The following NUBPL variants were observed in gnomAD, a reference collection of about 807,000 sequenced individuals.
The protein encoded by NUBPL is iron-sulfur cluster transfer protein NUBPL.
In NUBPL, 31 loss-of-function variants were observed where a neutral mutation model predicts 45.7. The observed-to-expected ratio is 0.68, with a 90% CI of 0.51 to 0.92. The LOEUF (loss-of-function observed/expected upper bound fraction) is 0.92. Among genes scored for constraint, NUBPL ranks in the 40% least tolerant of loss-of-function variants. NUBPL has a pLI of 0.00. For missense variants in NUBPL, 401 were observed against 398.7 expected, an observed-to-expected ratio of 1.01 and a Z score of -0.05; for synonymous variants, 144 against 140.9, an observed-to-expected ratio of 1.02 and a Z score of -0.15.
chr14:31,725,650 C>T (rs538342788), intron 6 of NUBPL, among the ~76,000 whole-genome samples: 1 of 149,160 alleles, frequency 6.7e-6, no homozygotes, highest in East Asian at 2.0e-4. Flanking sequence ...GAATTTTCCA[C>T]TTGTCGGGTC....
At chr14:31,599,025 A>G (rs900092096) in intron 3 of NUBPL, among the ~76,000 whole-genome samples, 1 of 152,210 alleles carries the variant, frequency 6.6e-6, no homozygotes, top group Non-Finnish European at 1.5e-5. Context: ...CTGAACTACA[A>G]TATGTAAAGC....
intron 4 of NUBPL, among the ~76,000 whole-genome samples, chr14:31,615,176 T>G (rs1422035771): frequency 6.6e-6 from 1 of 152,122 alleles, no homozygotes; most frequent in Non-Finnish European, 1.5e-5. Context: ...AGTATGGCAC[T>G]TCCCCTCTCT....
At chr14:31,821,858 A>G (rs1382917774) in intron 7 of NUBPL, among the ~76,000 whole-genome samples, 1 of 152,254 alleles carries the variant, frequency 6.6e-6, no homozygotes, top group African/African-American at 2.4e-5. Context: ...TTAGCTTTGA[A>G]AAGAATGAGA....
At chr14:31,810,876 A>C (rs899137601) in intron 7 of NUBPL, among the ~76,000 whole-genome samples, 2 of 152,146 alleles carry the variant, frequency 1.3e-5, no homozygotes, top group African/African-American at 2.4e-5. Flanking sequence ...TTCCCTTATG[A>C]AGCTTAGTTT....
intron 4 of NUBPL, among the ~76,000 whole-genome samples, chr14:31,623,183 G>A (rs1340420181): frequency 6.6e-6 from 1 of 152,210 alleles, no homozygotes; most frequent in East Asian, 1.9e-4. Context: ...GGGGCCTGTA[G>A]CCCCTTTGTT....
intron 3 of NUBPL, among the ~76,000 whole-genome samples, chr14:31,596,608 A>G (rs1381980201): frequency 6.6e-6 from 1 of 152,216 alleles, no homozygotes; most frequent in African/African-American, 2.4e-5. Context: ...ATGATCCTCA[A>G]CGTCTGAAAT....
At chr14:31,731,945 G>C (rs2038057497) in intron 6 of NUBPL, among the ~76,000 whole-genome samples, 2 of 151,936 alleles carry the variant, frequency 1.3e-5, no homozygotes, top group Admixed American at 6.6e-5. Flanking sequence ...GCTCATATCT[G>C]TAATCCCAGG....
chr14:31,788,671 G>A (rs1204533691), intron 7 of NUBPL, among the ~76,000 whole-genome samples: 1 of 152,158 alleles, frequency 6.6e-6, no homozygotes, highest in Non-Finnish European at 1.5e-5. Context: ...GCTACATTCT[G>A]ACAGGTTAAC....
rs1555335613 is a variant in NUBPL at position 31,760,144 on chromosome 14, TGA to T, written c.514-27599_514-27598del. On this transcript the variant is annotated intron_variant, in intron 6 of 10. Transcript: ENST00000281081. ...TGACTTTAGTGTGTGTGTGTGTGTG[TGA>T]GAGAGAGAGAGAGAGAGAGAGAGAG... 4.3e-4 allele frequency among the ~76,000 whole-genome samples: 15 copies of T among 34,844 alleles called. 2 individuals carry two copies. The highest frequency in any genetic ancestry group is 5.4e-4 in the Non-Finnish European group (10 of 18,496). 22.9% of individuals were successfully genotyped at this position (34,844 alleles called of 152,430 possible).
intron 3 of NUBPL, among the ~76,000 whole-genome samples, chr14:31,575,059 T>C (rs1230467937): frequency 6.6e-6 from 1 of 152,184 alleles, no homozygotes; most frequent in Non-Finnish European, 1.5e-5. Context: ...CTCAAAGCAT[T>C]TATTTTTTTC....
chr14:31,589,442 C>T (rs1287271788), intron 3 of NUBPL, among the ~76,000 whole-genome samples: 1 of 152,056 alleles, frequency 6.6e-6, no homozygotes, highest in African/African-American at 2.4e-5. Flanking sequence ...TATATATTAA[C>T]AGTATTAATT....
chr14:31,751,627 C>A (rs757670215), intron 6 of NUBPL, among the ~76,000 whole-genome samples: 15 of 152,356 alleles, frequency 9.8e-5, no homozygotes, highest in Non-Finnish European at 1.6e-4. Context: ...CTTCCACAAG[C>A]TGGCATTGAG....
chr14:31,648,277 A>G (rs983638897), intron 4 of NUBPL, among the ~76,000 whole-genome samples: 8 of 152,202 alleles, frequency 5.3e-5, no homozygotes, highest in African/African-American at 1.9e-4. Context: ...TTAAAAAATT[A>G]AAAGTATGTA....
intron 6 of NUBPL, among the ~76,000 whole-genome samples, chr14:31,771,312 T>C (rs529472590): frequency 1.3e-5 from 2 of 152,318 alleles, no homozygotes; most frequent in East Asian, 3.9e-4. Context: ...GAAATAAACG[T>C]TCTTATAATG....
chr14:31,657,756 T>C (rs940281998), intron 4 of NUBPL, among the ~76,000 whole-genome samples: 3 of 152,188 alleles, frequency 2.0e-5, no homozygotes, highest in African/African-American at 7.2e-5. Flanking sequence ...AACACTCTTC[T>C]TTTTTACTAC....
At chr14:31,600,617 G>A (rs912302569) in intron 4 of NUBPL, among the ~76,000 whole-genome samples, 3 of 152,200 alleles carry the variant, frequency 2.0e-5, no homozygotes, top group African/African-American at 7.2e-5. Context: ...GCTGTATAGT[G>A]ATTCAGAAAG....
intron 4 of NUBPL, among the ~76,000 whole-genome samples, chr14:31,636,550 TC>T (rs1402832374): frequency 6.6e-6 from 1 of 152,148 alleles, no homozygotes; most frequent in Non-Finnish European, 1.5e-5. Context: ...TCTAAAATTC[TC>T]TTTTTTGGTT....
intron 6 of NUBPL, among the ~76,000 whole-genome samples, chr14:31,676,975 C>G (rs2036714843): frequency 6.6e-6 from 1 of 151,176 alleles, no homozygotes; most frequent in South Asian, 2.1e-4. Context: ...AAATCTTTGC[C>G]TGTTTACCCC....
At chr14:31,847,704 T>C (rs977313581) in intron 9 of NUBPL, among the ~76,000 whole-genome samples, 2 of 151,962 alleles carry the variant, frequency 1.3e-5, no homozygotes, top group African/African-American at 4.8e-5. Context: ...TCCCTAGAGA[T>C]TAAGGAATTT....
Sources: allele counts gnomAD v4.1 joint callset (sites outside exome capture counted in the v4.1 genomes callset), GRCh38; gene constraint gnomAD v4.1.1; transcripts MANE v1.5; gene names NCBI Gene and HGNC (gene_info 2026-07-23, HGNC 2026-07-21).